The following RAB1A variants were observed in gnomAD, a reference collection of about 807,000 sequenced individuals.
RAB1A encodes ras-related protein Rab-1A.
In RAB1A, 2 loss-of-function variants were observed where a neutral mutation model predicts 26.0. The observed-to-expected ratio is 0.08, with a 90% CI of 0.03 to 0.24. RAB1A has a LOEUF of 0.24. RAB1A is among the 10% of genes least tolerant of loss of function. The pLI, the probability that RAB1A is intolerant of heterozygous loss-of-function variation, is 1.00. For missense variants in RAB1A, 100 were observed against 247.0 expected, an observed-to-expected ratio of 0.40 and a Z score of 3.99; for synonymous variants, 84 against 84.9, an observed-to-expected ratio of 0.99 and a Z score of 0.06.
Position 65,087,782 on chromosome 2 carries a change from G to A in RAB1A, c.*711C>T, listed in dbSNP as rs1237489384. 6.6e-6 allele frequency: 1 copy of A among 152,606 alleles called. No homozygotes were observed. The highest frequency in any genetic ancestry group is 2.4e-5 in the African/African-American group (1 of 41,438). The allele number at this position is 152,606 out of a possible 1,614,324, so 9.5% of individuals were successfully genotyped here. A position where few individuals can be genotyped will look rare whatever the true frequency, so the allele number is the denominator to read the frequency against. On this transcript the variant is annotated 3_prime_UTR_variant, in exon 6 of 6. Transcript: ENST00000409784. The stretch of plus-strand genomic sequence containing the variant: ...GGTCTAGAATACCTTAGTTTGCATT[G>A]TGCACACACAAATGGCTGTGTTGAA...
chr2:65,119,593 A>C (rs972790368), intron 1 of RAB1A, among the ~76,000 whole-genome samples: 24 of 151,728 alleles, frequency 1.6e-4, no homozygotes, highest in South Asian at 2.1e-4. Context: ...ACAAAAAAAA[A>C]CAAAAAAACC....
rs182541222 is a variant in RAB1A, at chr2:65,087,657, A to G, written c.*836T>C. On this transcript the variant is annotated 3_prime_UTR_variant, in exon 6 of 6. Coordinates refer to ENST00000409784, the MANE Select transcript of RAB1A (RefSeq NM_004161.5). ...ACATATAGTTTGAGCTCCCTGAACC[A>G]CTGAAGTTGGTTAAATCCCTACACA... 9 of 152,740 alleles carry G rather than the reference A, an allele frequency of 5.9e-5. No homozygotes were observed. Among genetic ancestry groups the G allele is most frequent in the Admixed American group, 4.6e-4 (7 of 15,298 alleles). 9.5% of individuals were successfully genotyped at this position (152,740 alleles called of 1,614,324 possible). A position where few individuals can be genotyped will look rare whatever the true frequency, so the allele number is the denominator to read the frequency against.
chr2:65,113,227 T>C (rs750735188), intron 1 of RAB1A, among the ~76,000 whole-genome samples: 3 of 152,220 alleles, frequency 2.0e-5, no homozygotes, highest in East Asian at 3.8e-4. Context: ...TTCCATTATT[T>C]GTTTGCGTGC....
intron 1 of RAB1A, among the ~76,000 whole-genome samples, chr2:65,129,180 T>A (rs1670175706): frequency 6.9e-6 from 1 of 144,510 alleles, no homozygotes; most frequent in African/African-American, 2.6e-5. Flanking sequence ...GAAGACAAAA[T>A]GACTTAGGTG....
At chr2:65,118,826 A>G (rs996262197) in intron 1 of RAB1A, among the ~76,000 whole-genome samples, 2 of 152,128 alleles carry the variant, frequency 1.3e-5, no homozygotes, top group African/African-American at 4.8e-5. Context: ...AAAATTCTCC[A>G]TGTGTGTACC....
At chr2:65,122,050 G>A (rs1320788617) in intron 1 of RAB1A, among the ~76,000 whole-genome samples, 3 of 151,900 alleles carry the variant, frequency 2.0e-5, no homozygotes, top group East Asian at 3.9e-4. Context: ...CAGTTACTCA[G>A]GAGGCTGAGG....
intron 5 of RAB1A, 101 bp downstream of exon 5, chr2:65,088,838 G>C (rs1381550588): frequency 4.4e-6 from 6 of 1,362,134 alleles, no homozygotes; most frequent in Non-Finnish European, 6.0e-6. Context: ...CAGTATTCTA[G>C]TGCACATATT....
Position 65,125,864 on chromosome 2 carries a change from C to CTTTTT in RAB1A, c.23+4024_23+4028dup, listed in dbSNP as rs55930968. 1.6e-4 allele frequency among the ~76,000 whole-genome samples: 12 copies of CTTTTT among 74,736 alleles called. 2 individuals are homozygous for CTTTTT. The highest frequency in any genetic ancestry group is 5.9e-4 in the African/African-American group (11 of 18,488). 49.0% of individuals were successfully genotyped at this position (74,736 alleles called of 152,430 possible). ...CTGTTCAGATTACACTTTCAATTGC[C>CTTTTT]TTTTTTTTTTTTTTTTTTTTTTTTT... On this transcript the variant is annotated intron_variant, in intron 1 of 5. Coordinates refer to ENST00000409784, the MANE Select transcript of RAB1A (RefSeq NM_004161.5).
chr2:65,099,231 T>C (rs987609565), intron 2 of RAB1A, among the ~76,000 whole-genome samples: 1 of 152,212 alleles, frequency 6.6e-6, no homozygotes, highest in Non-Finnish European at 1.5e-5. Context: ...TCTTGGCTAT[T>C]ATGAATAATG....
chr2:65,100,139 C>T (rs1558578901), intron 2 of RAB1A, among the ~76,000 whole-genome samples: 1 of 152,172 alleles, frequency 6.6e-6, no homozygotes, highest in Non-Finnish European at 1.5e-5. Context: ...TGATGGCTCA[C>T]ACCTGTAATA....
intron 2 of RAB1A, among the ~76,000 whole-genome samples, chr2:65,101,348 A>G (rs577635969): frequency 6.6e-6 from 1 of 152,190 alleles, no homozygotes; most frequent in East Asian, 1.9e-4. Flanking sequence ...TGAGTGTCCA[A>G]ACAATTTCTT....
intron 3 of RAB1A, among the ~76,000 whole-genome samples, chr2:65,092,953 C>T (rs1180595114): frequency 1.3e-5 from 2 of 152,208 alleles, no homozygotes; most frequent in Admixed American, 6.5e-5. Flanking sequence ...CACACTCTCT[C>T]GCCTCCTGCC....
chr2:65,109,401 T>C (rs942298187), intron 1 of RAB1A, among the ~76,000 whole-genome samples: 2 of 152,074 alleles, frequency 1.3e-5, no homozygotes, highest in African/African-American at 4.8e-5. Flanking sequence ...ATTATGCTAG[T>C]TTAGAAACCA....
intron 2 of RAB1A, 22 bp downstream of exon 2, chr2:65,104,712 A>G (rs1281106167): frequency 1.3e-6 from 2 of 1,498,928 alleles, no homozygotes; most frequent in East Asian, 2.4e-5. Context: ...TTAATTGTAA[A>G]GACATTTCAA....
chr2:65,088,365 TG>T lies in RAB1A; in HGVS notation c.*127del. 1 of 765,436 alleles carries T rather than the reference TG, an allele frequency of 1.3e-6. No homozygotes were observed. The highest frequency in any genetic ancestry group is 2.0e-6 in the Non-Finnish European group (1 of 495,928). The allele number at this position is 765,436 out of a possible 1,614,324, so 47.4% of individuals were successfully genotyped here. The stretch of plus-strand genomic sequence containing the variant: ...GTCAGTATTGACCATTTACAATCTC[TG>T]ACCTTTGTGGAGACGGTAAGAATCT... On this transcript the variant is annotated 3_prime_UTR_variant, in exon 6 of 6. Coordinates refer to ENST00000409784, the MANE Select transcript of RAB1A (RefSeq NM_004161.5).
At chr2:65,119,667 G>A (rs1669909674) in intron 1 of RAB1A, among the ~76,000 whole-genome samples, 1 of 150,780 alleles carries the variant, frequency 6.6e-6, no homozygotes, top group Admixed American at 6.6e-5. Context: ...ACAAAGAAAA[G>A]TGTGATTCAC....
rs1669082587 is a variant in RAB1A, at chr2:65,088,213, C to T, written c.*280G>A. On this transcript the variant is annotated 3_prime_UTR_variant, in exon 6 of 6. Coordinates refer to ENST00000409784, the MANE Select transcript of RAB1A (RefSeq NM_004161.5). Reference sequence around the variant, plus strand: ...AAACAAAATATATTCTAACCAACCACGGGAAACAGTCTGGTATCAGGAAAG... The same window carrying T: ...AAACAAAATATATTCTAACCAACCATGGGAAACAGTCTGGTATCAGGAAAG... The T allele has an allele frequency of 1.2e-5, 4 of 325,876 alleles. No individual in the cohort carries two copies. The highest frequency in any genetic ancestry group is 2.2e-5 in the Non-Finnish European group (4 of 180,518). The allele number at this position is 325,876 out of a possible 1,614,324, so 20.2% of individuals were successfully genotyped here.
At chr2:65,100,971 C>G (rs1446723880) in intron 2 of RAB1A, among the ~76,000 whole-genome samples, 1 of 151,730 alleles carries the variant, frequency 6.6e-6, no homozygotes, top group Non-Finnish European at 1.5e-5. Flanking sequence ...CATGGTGAAA[C>G]CCCATCTCTA....
chr2:65,102,327 C>T (rs1337507882), intron 2 of RAB1A, among the ~76,000 whole-genome samples: 1 of 151,894 alleles, frequency 6.6e-6, no homozygotes, highest in Non-Finnish European at 1.5e-5. Context: ...ATGTTTTATT[C>T]TAGTACTCAT....
Sources: allele counts gnomAD v4.1 joint callset (sites outside exome capture counted in the v4.1 genomes callset), GRCh38; gene constraint gnomAD v4.1.1; transcripts MANE v1.5; gene names NCBI Gene and HGNC (gene_info 2026-07-23, HGNC 2026-07-21).